The following MOBP variants were observed in gnomAD, a reference collection of about 807,000 sequenced individuals.
The protein encoded by MOBP is myelin-associated oligodendrocyte basic protein.
Under a neutral mutation model 15.0 loss-of-function variants are expected in MOBP, and 5 were observed. That is an observed-to-expected ratio of 0.33 (90% confidence interval 0.17 to 0.70). The LOEUF (loss-of-function observed/expected upper bound fraction) is 0.70, where lower values mean the gene tolerates loss of function less well. Ranked by LOEUF, MOBP falls within the 30% of genes least tolerant of loss-of-function variation. The pLI, the probability that MOBP is intolerant of heterozygous loss-of-function variation, is 0.67. For synonymous variants in MOBP, 88 were observed against 99.0 expected (o/e 0.89, Z 0.66); for missense variants, 188 against 257.8 (o/e 0.73, Z 1.85).
chr3:39,523,919 C>T (rs1328652899), intron 3 of MOBP, among the ~76,000 whole-genome samples: 3 of 152,186 alleles, frequency 2.0e-5, no homozygotes, highest in Non-Finnish European at 4.4e-5. Context: ...TTGCCTCCCC[C>T]ACAGCGCAAT....
intron 2 of MOBP, among the ~76,000 whole-genome samples, chr3:39,496,364 A>C (rs1418490938): frequency 6.6e-6 from 1 of 151,292 alleles, no homozygotes; most frequent in Non-Finnish European, 1.5e-5. Context: ...ACACCCAGCT[A>C]ATTTTTTTGT....
At chr3:39,515,991 C>G (rs2043197218) in exon 5 of MOBP, 2 of 152,116 alleles carry the variant, frequency 1.3e-5, no homozygotes, top group African/African-American at 4.8e-5. Flanking sequence ...CCAATAAACA[C>G]TTGTTGACGG....
downstream of MOBP, among the ~76,000 whole-genome samples, chr3:39,504,707 GA>G (rs1342829669): frequency 3.3e-5 from 5 of 152,170 alleles, no homozygotes; most frequent in African/African-American, 9.7e-5. Context: ...TAATATATTG[GA>G]GCCACTTCTT....
intron 4 of MOBP, among the ~76,000 whole-genome samples, chr3:39,512,865 A>G (rs995261479): frequency 6.6e-6 from 1 of 152,208 alleles, no homozygotes; most frequent in African/African-American, 2.4e-5. Context: ...CTTGCAGGCA[A>G]TGCTTGTCTG....
exon 5 of MOBP, chr3:39,515,412 A>G (rs896178915): frequency 2.0e-5 from 3 of 152,200 alleles, no homozygotes; most frequent in African/African-American, 2.4e-5. Flanking sequence ...GATGCAGGCA[A>G]TGAATCCTTC....
intron 1 of MOBP, among the ~76,000 whole-genome samples, chr3:39,472,720 G>A (rs946091762): frequency 6.6e-6 from 1 of 152,194 alleles, no homozygotes; most frequent in Non-Finnish European, 1.5e-5. Flanking sequence ...GAGCTCAGGA[G>A]TTTAAGACCA....
chr3:39,523,143 T>A (rs2043290360), intron 3 of MOBP, among the ~76,000 whole-genome samples: 1 of 152,206 alleles, frequency 6.6e-6, no homozygotes, highest in African/African-American at 2.4e-5. Context: ...CTGGTCCTAC[T>A]TAAGCTAACA....
intron 1 of MOBP, among the ~76,000 whole-genome samples, chr3:39,467,969 A>C (rs1430079854): frequency 6.6e-6 from 1 of 152,096 alleles, no homozygotes; most frequent in Non-Finnish European, 1.5e-5. Flanking sequence ...AATGTTTGGA[A>C]ATCGTCTGAG....
At chr3:39,519,937 T>TA (rs1383604479), downstream of MOBP, among the ~76,000 whole-genome samples, 14 of 151,356 alleles carry the variant, frequency 9.2e-5, no homozygotes, top group African/African-American at 3.2e-4. Flanking sequence ...CCTCAATGCG[T>TA]ACATCTCTGA....
intron 2 of MOBP, among the ~76,000 whole-genome samples, chr3:39,495,181 C>G (rs2042859901): frequency 6.6e-6 from 1 of 152,152 alleles, no homozygotes; most frequent in Non-Finnish European, 1.5e-5. Context: ...GGTCATAAAG[C>G]AAATTTGAAC....
intron 2 of MOBP, among the ~76,000 whole-genome samples, chr3:39,501,335 G>A (rs1193402879): frequency 1.3e-5 from 2 of 152,180 alleles, no homozygotes; most frequent in Non-Finnish European, 2.9e-5. Flanking sequence ...AGTCACGTAA[G>A]TCCCCTGTGG....
chr3:39,488,743 C>A (rs1056979590), intron 2 of MOBP, among the ~76,000 whole-genome samples: 2 of 152,136 alleles, frequency 1.3e-5, no homozygotes, highest in East Asian at 3.9e-4. Context: ...GTCATCCTTG[C>A]CTTATTCTTT....
downstream of MOBP, chr3:39,528,925 G>A (rs886519411): frequency 6.6e-6 from 1 of 152,236 alleles, no homozygotes; most frequent in African/African-American, 2.4e-5. Flanking sequence ...ATGTTGTGTT[G>A]TTTATGGCCA....
intron 1 of MOBP, among the ~76,000 whole-genome samples, chr3:39,477,531 GATAA>G (rs972018626): frequency 2.0e-5 from 3 of 151,666 alleles, no homozygotes; most frequent in African/African-American, 4.9e-5. Flanking sequence ...TGGTAATGCT[GATAA>G]ATGAATATGT....
At chr3:39,469,846 A>T (rs2042442849) in intron 1 of MOBP, among the ~76,000 whole-genome samples, 1 of 152,236 alleles carries the variant, frequency 6.6e-6, no homozygotes, top group African/African-American at 2.4e-5. Context: ...GCCAAAAATT[A>T]AAAATCTAGA....
At chr3:39,521,105 C>G (rs186810367) in intron 3 of MOBP, among the ~76,000 whole-genome samples, 2 of 152,160 alleles carry the variant, frequency 1.3e-5, no homozygotes, top group Admixed American at 1.3e-4. Context: ...TGTGCCACCA[C>G]ACCCAGCGAA....
intron 2 of MOBP, among the ~76,000 whole-genome samples, chr3:39,490,009 A>G (rs1234629137): frequency 6.6e-6 from 1 of 152,246 alleles, no homozygotes; most frequent in African/African-American, 2.4e-5. Flanking sequence ...AAGAATATCA[A>G]TAATTAAATA....
chr3:39,521,413 T>C (rs2043265407), intron 3 of MOBP, among the ~76,000 whole-genome samples: 1 of 152,232 alleles, frequency 6.6e-6, no homozygotes, highest in African/African-American at 2.4e-5. Context: ...TGTATGTGAA[T>C]ATAGAATTTA....
chr3:39,516,354 G>A (rs111300360), downstream of MOBP, among the ~76,000 whole-genome samples: 597 of 152,304 alleles, frequency 3.9e-3, 3 homozygotes, highest in African/African-American at 9.3e-3. Context: ...CTGAGGAGTT[G>A]AGGGGGCCAA....
Sources: allele counts gnomAD v4.1 joint callset (sites outside exome capture counted in the v4.1 genomes callset), GRCh38; gene constraint gnomAD v4.1.1; transcripts MANE v1.5; gene names NCBI Gene and HGNC (gene_info 2026-07-23, HGNC 2026-07-21).